PARD3: variants seen among roughly 807,000 people sequenced by gnomAD.
The protein encoded by PARD3 is partitioning defective 3 homolog.
PARD3 carries 75 observed loss-of-function variants against 155.4 expected under a neutral mutation model. The ratio of observed to expected loss-of-function variants is 0.48; its 90% CI spans 0.40 to 0.58. The LOEUF (loss-of-function observed/expected upper bound fraction) is 0.58. Ranked by LOEUF, PARD3 falls within the 20% of genes least tolerant of loss-of-function variation. PARD3 has a pLI of 0.00. For missense variants in PARD3, 1,642 were observed against 1,721.7 expected (o/e 0.95, Z 0.82); for synonymous variants, 576 against 610.5 (o/e 0.94, Z 0.83).
chr10:34,723,273 A>G (rs1407536250), intron 1 of PARD3, among the ~76,000 whole-genome samples: 1 of 152,174 alleles, frequency 6.6e-6, no homozygotes, highest in African/African-American at 2.4e-5. Flanking sequence ...AGGCCTGGGC[A>G]ACAGAGCGAG....
intron 20 of PARD3, among the ~76,000 whole-genome samples, chr10:34,297,090 GC>G (rs1276005711): frequency 6.6e-6 from 1 of 152,124 alleles, no homozygotes; most frequent in African/African-American, 2.4e-5. Flanking sequence ...GACTGCTTGA[GC>G]CCAGAAGTTC....
chr10:34,111,219 T>C lies in PARD3; in HGVS notation c.4012A>G (p.Arg1338Gly), dbSNP rs1244565091. ...DVPPSPSQVA[R>G]LNRLQTPEKG... is the part of the protein sequence containing the mutation. Reference sequence around the variant, plus strand: ...TCAGGAGTCTGAAGTCTGTTCAGCCTCGCAACCTGAGAAGGGGAGGGGGGC... The same window carrying C: ...TCAGGAGTCTGAAGTCTGTTCAGCCCCGCAACCTGAGAAGGGGAGGGGGGC... The change falls in exon 25 of 25, where the codon AGG becomes GGG. Residue 1338 changes from arginine (R) to glycine (G), a missense_variant. Transcript: ENST00000374788. 7 of 1,606,806 alleles carry C rather than the reference T, an allele frequency of 4.4e-6. No individual in the cohort carries two copies. In the South Asian group the frequency reaches 7.7e-5, roughly 18 times the overall value.
At chr10:34,775,983 G>A (rs1163101189) in intron 1 of PARD3, among the ~76,000 whole-genome samples, 2 of 152,168 alleles carry the variant, frequency 1.3e-5, no homozygotes, top group Middle Eastern at 3.4e-3. Flanking sequence ...CCAGCACTTC[G>A]GGAGACCAAG....
chr10:34,736,735 T>A (rs2094923345), intron 1 of PARD3, among the ~76,000 whole-genome samples: 1 of 151,918 alleles, frequency 6.6e-6, no homozygotes, highest in Admixed American at 6.6e-5. Context: ...AGTGAAGTGG[T>A]GCAATCTAGG....
chr10:34,807,282 CAT>C (rs1356090010), intron 1 of PARD3, among the ~76,000 whole-genome samples: 5 of 152,310 alleles, frequency 3.3e-5, no homozygotes, highest in African/African-American at 9.6e-5. Flanking sequence ...CTCTGATACA[CAT>C]ATATATGTCA....
At chr10:34,716,600 T>C (rs1205733698) in intron 1 of PARD3, among the ~76,000 whole-genome samples, 49 of 144,228 alleles carry the variant, frequency 3.4e-4, no homozygotes, top group African/African-American at 1.2e-3. Context: ...TTTTTTTTTT[T>C]TTTTTTTTTG....
At chr10:34,224,551 C>T (rs1330223738) in intron 22 of PARD3, among the ~76,000 whole-genome samples, 1 of 152,204 alleles carries the variant, frequency 6.6e-6, no homozygotes, top group Admixed American at 6.5e-5. Context: ...TCCAGTGCAG[C>T]AAATTTAAGA....
At position 34,621,461 on chromosome 10, in the gene PARD3, G is replaced by T. The variant is rs555231137; in HGVS notation, c.222+74857C>A. On this transcript the variant is annotated intron_variant, in intron 2 of 24. Coordinates refer to ENST00000374788, the MANE Select transcript of PARD3 (RefSeq NM_001184785.2). Reference sequence around the variant, plus strand: ...ATCCACCCACGCTCGGCCTCCCAAGGTGCCGGTTGTACAGGCAAGCCACCG... The same window carrying T: ...ATCCACCCACGCTCGGCCTCCCAAGTTGCCGGTTGTACAGGCAAGCCACCG... Among the ~76,000 whole-genome samples, 4 of 152,230 alleles carry T rather than the reference G, an allele frequency of 2.6e-5. No homozygotes were observed. In the East Asian group the frequency reaches 5.8e-4, roughly 22 times the overall value.
chr10:34,464,859 C>T (rs976757697), intron 4 of PARD3, among the ~76,000 whole-genome samples: 5 of 152,144 alleles, frequency 3.3e-5, no homozygotes, highest in Non-Finnish European at 7.4e-5. Context: ...GAAGTTAATA[C>T]ATCAAAATGT....
chr10:34,386,801 A>G (rs1842390859), intron 7 of PARD3, among the ~76,000 whole-genome samples: 1 of 151,056 alleles, frequency 6.6e-6, no homozygotes, highest in South Asian at 2.1e-4. Flanking sequence ...CAGCCTGGGC[A>G]ACGCAAAACT....
chr10:34,604,737 CA>C (rs1288579012), intron 2 of PARD3, among the ~76,000 whole-genome samples: 1 of 151,198 alleles, frequency 6.6e-6, no homozygotes, highest in Non-Finnish European at 1.5e-5. Flanking sequence ...CTATAAGCAA[CA>C]AAGATATTGA....
At chr10:34,651,213 C>T (rs1465749549) in intron 2 of PARD3, among the ~76,000 whole-genome samples, 1 of 151,938 alleles carries the variant, frequency 6.6e-6, no homozygotes, top group Non-Finnish European at 1.5e-5. Context: ...GATTTTTGCT[C>T]CAAATGGCAA....
At chr10:34,351,324 G>A (rs1838057139) in intron 14 of PARD3, among the ~76,000 whole-genome samples, 1 of 152,104 alleles carries the variant, frequency 6.6e-6, no homozygotes, top group African/African-American at 2.4e-5. Flanking sequence ...AATTAGATTA[G>A]TAAATTCATT....
chr10:34,636,114 G>A (rs1433143421), intron 2 of PARD3, among the ~76,000 whole-genome samples: 1 of 152,086 alleles, frequency 6.6e-6, no homozygotes, highest in African/African-American at 2.4e-5. Flanking sequence ...AAGGAAGAAG[G>A]AAGAAGAAGA....
chr10:34,559,387 G>C (rs1174100160), intron 2 of PARD3, among the ~76,000 whole-genome samples: 1 of 151,544 alleles, frequency 6.6e-6, no homozygotes, highest in Non-Finnish European at 1.5e-5. Context: ...TTTTAGGCAG[G>C]GGTCATAAAC....
chr10:34,559,650 T>C (rs1349756147), intron 2 of PARD3, among the ~76,000 whole-genome samples: 1 of 152,166 alleles, frequency 6.6e-6, no homozygotes, highest in Non-Finnish European at 1.5e-5. Context: ...GAATGCCCAC[T>C]CATCAATGCC....
chr10:34,505,949 AAGCCCATTGCTACTAAAAATACAAAAATC>A (rs2081034353), intron 3 of PARD3, among the ~76,000 whole-genome samples: 1 of 152,076 alleles, frequency 6.6e-6, no homozygotes, highest in Non-Finnish European at 1.5e-5. Context: ...AACATCATGA[AAGCCCATTGCTACTAAAAATACAAAAATC>A]AGCCGGGAAT....
intron 23 of PARD3, among the ~76,000 whole-genome samples, chr10:34,123,173 T>C (rs535063970): frequency 1.3e-5 from 2 of 152,200 alleles, no homozygotes; most frequent in Non-Finnish European, 2.9e-5. Context: ...AGAGCCATAA[T>C]AACAATAGAG....
At chr10:34,610,657 T>C (rs963773429) in intron 2 of PARD3, among the ~76,000 whole-genome samples, 3 of 152,236 alleles carry the variant, frequency 2.0e-5, no homozygotes, top group African/African-American at 7.2e-5. Flanking sequence ...AGTTTCCTTT[T>C]TTGAAATATA....
Sources: gnomAD v4.1 joint callset for allele counts (sites outside exome capture counted in the v4.1 genomes callset) on GRCh38, gnomAD v4.1.1 for gene constraint, MANE v1.5 for transcripts, NCBI Gene and HGNC (gene_info 2026-07-23, HGNC 2026-07-21) for gene names.